Variants in TNRC6C observed in about 807,000 individuals in gnomAD.
TNRC6C encodes the protein trinucleotide repeat-containing gene 6C protein.
TNRC6C carries 20 observed loss-of-function variants against 153.7 expected under a neutral mutation model. The observed-to-expected ratio is 0.13, with a 90% CI of 0.09 to 0.19. The LOEUF (loss-of-function observed/expected upper bound fraction) is 0.19, where lower values mean the gene tolerates loss of function less well. Ranked by LOEUF, TNRC6C falls within the 10% of genes least tolerant of loss-of-function variation. The probability of loss-of-function intolerance (pLI) is 1.00; values close to 1 mark genes in which losing one functional copy is unlikely to be tolerated. For synonymous variants in TNRC6C, 811 were observed against 841.4 expected (o/e 0.96, Z 0.63); for missense variants, 1,987 against 2,172.0 (o/e 0.91, Z 1.69).
At chr17:77,977,513 GT>G (rs2071017848) in intron 1 of TNRC6C, among the ~76,000 whole-genome samples, 1 of 152,160 alleles carries the variant, frequency 6.6e-6, no homozygotes, top group Admixed American at 6.5e-5. Flanking sequence ...CAACTTTTTA[GT>G]TCAGAAGGGA....
chr17:78,061,120 T>C (rs905931969), intron 3 of TNRC6C, among the ~76,000 whole-genome samples: 19 of 152,200 alleles, frequency 1.2e-4, no homozygotes, highest in African/African-American at 4.6e-4. Flanking sequence ...TTGAAGAAAT[T>C]GAAGGGAGGT....
At chr17:78,034,450 G>A (rs1170959244) in intron 2 of TNRC6C, among the ~76,000 whole-genome samples, 1 of 151,946 alleles carries the variant, frequency 6.6e-6, no homozygotes, top group Non-Finnish European at 1.5e-5. Flanking sequence ...ATGCACACAT[G>A]CTTAATTGCT....
chr17:78,069,483 G>A (rs754742067), intron 5 of TNRC6C, among the ~76,000 whole-genome samples: 3 of 152,126 alleles, frequency 2.0e-5, no homozygotes, highest in Non-Finnish European at 2.9e-5. Flanking sequence ...TCCTGGGCTC[G>A]AATTGTCCTC....
intron 1 of TNRC6C, among the ~76,000 whole-genome samples, chr17:77,966,942 TAGC>T (rs1293876461): frequency 6.6e-6 from 1 of 152,204 alleles, no homozygotes; most frequent in African/African-American, 2.4e-5. Flanking sequence ...ATAAATAGAA[TAGC>T]AGCATTAGTA....
At chr17:78,068,100 G>A (rs1002098620) in intron 5 of TNRC6C, among the ~76,000 whole-genome samples, 177 bp downstream of exon 7, 1 of 152,176 alleles carries the variant, frequency 6.6e-6, no homozygotes, top group African/African-American at 2.4e-5. Context: ...CTATTATCAT[G>A]CCAGTACTAA....
intron 1 of TNRC6C, among the ~76,000 whole-genome samples, chr17:77,983,937 C>T (rs1409185460): frequency 1.3e-5 from 2 of 152,098 alleles, no homozygotes; most frequent in African/African-American, 4.8e-5. Flanking sequence ...AAGGTGAGAA[C>T]ATGTTCATTT....
intron 2 of TNRC6C, among the ~76,000 whole-genome samples, chr17:78,043,985 C>T (rs1176330695): frequency 6.6e-6 from 1 of 152,096 alleles, no homozygotes; most frequent in Non-Finnish European, 1.5e-5. Context: ...AGGTTGCTTC[C>T]AAATCTTGGT....
chr17:77,962,665 TTA>T (rs1396894666), intron 1 of TNRC6C, among the ~76,000 whole-genome samples: 1 of 152,112 alleles, frequency 6.6e-6, no homozygotes, highest in African/African-American at 2.4e-5. Context: ...CCAGGTAACT[TTA>T]TGTTTGTTTT....
chr17:78,090,012 A>G (rs2073365645), intron 13 of TNRC6C, among the ~76,000 whole-genome samples: 1 of 152,162 alleles, frequency 6.6e-6, no homozygotes, highest in Non-Finnish European at 1.5e-5. Flanking sequence ...CATTGTTGCC[A>G]CCTTACCTGG....
chr17:77,965,706 T>C (rs955602866), intron 1 of TNRC6C, among the ~76,000 whole-genome samples: 11 of 152,104 alleles, frequency 7.2e-5, no homozygotes, highest in African/African-American at 2.7e-4. Flanking sequence ...GAGAAAGCAA[T>C]ACATGTGAAG....
exon 20 of TNRC6C, chr17:78,107,903 AT>A (rs1179834128): frequency 1.3e-5 from 2 of 152,210 alleles, no homozygotes; most frequent in African/African-American, 2.4e-5. Flanking sequence ...CATTTTATGC[AT>A]CTATTTTTGT....
intron 2 of TNRC6C, among the ~76,000 whole-genome samples, chr17:78,040,678 TC>T (rs1405961317): frequency 2.0e-5 from 3 of 152,220 alleles, no homozygotes; most frequent in Non-Finnish European, 4.4e-5. Flanking sequence ...TGGCTGACTT[TC>T]AAAAACACAG....
At chr17:78,050,194 G>T (rs766842690) in exon 3 of TNRC6C, 5 of 1,543,496 alleles carry the variant, frequency 3.2e-6, no homozygotes, top group Non-Finnish European at 4.4e-6. Flanking sequence ...CGTACAGCCT[G>T]GTGGTGAACA....
rs755800135 is a variant in TNRC6C at position 78,049,932 on chromosome 17, G to A, written c.870G>A (p.Lys290=). Reference sequence around the variant, plus strand: ...ATGGATCCAGCAGTGCTGTGCAAAAGGAAGGAAGTGGAGGAAATGCTTGGG... The same window carrying A: ...ATGGATCCAGCAGTGCTGTGCAAAAAGAAGGAAGTGGAGGAAATGCTTGGG... The change falls in exon 3 of 20, where the codon AAG becomes AAA. Residue 290 remains lysine, a synonymous_variant. Coordinates refer to ENST00000301624, the Ensembl canonical transcript of TNRC6C. The surrounding 1 kb of genome is among the most constrained non-coding windows in gnomAD (Gnocchi z 4.1). The A allele has an allele frequency of 5.0e-6, 8 of 1,614,076 alleles. No individual in the cohort carries two copies. Among genetic ancestry groups the A allele is most frequent in the Non-Finnish European group, 6.8e-6 (8 of 1,179,906 alleles).
chr17:77,991,210 T>A (rs1474868029), intron 1 of TNRC6C, among the ~76,000 whole-genome samples: 1 of 152,248 alleles, frequency 6.6e-6, no homozygotes, highest in Admixed American at 6.5e-5. Context: ...ATCATTTTCA[T>A]CATATTCCTG....
chr17:78,083,476 C>T (rs1208815739), intron 11 of TNRC6C, among the ~76,000 whole-genome samples: 1 of 152,214 alleles, frequency 6.6e-6, no homozygotes, highest in Non-Finnish European at 1.5e-5. Context: ...AGCTGAGACA[C>T]CACGGGTGTG....
intron 1 of TNRC6C, among the ~76,000 whole-genome samples, chr17:78,017,797 C>T (rs989511553): frequency 6.6e-6 from 1 of 152,202 alleles, no homozygotes; most frequent in African/African-American, 2.4e-5. Context: ...AGCTCTTTTC[C>T]ATTTCAGGGC....
chr17:78,068,388 G>A (rs566359638), intron 5 of TNRC6C, among the ~76,000 whole-genome samples: 10 of 152,252 alleles, frequency 6.6e-5, no homozygotes, highest in Admixed American at 3.9e-4. Flanking sequence ...ACAGTAAATA[G>A]CAATAGACAC....
intron 1 of TNRC6C, among the ~76,000 whole-genome samples, chr17:77,977,153 T>A (rs1163690986): frequency 6.6e-6 from 1 of 152,096 alleles, no homozygotes; most frequent in African/African-American, 2.4e-5. Flanking sequence ...CCTACTAGAT[T>A]ATAAACTCCT....
Sources: allele counts gnomAD v4.1 joint callset (sites outside exome capture counted in the v4.1 genomes callset), GRCh38; gene constraint gnomAD v4.1.1; non-coding constraint Gnocchi (gnomAD v3.1); transcripts MANE v1.5; gene names NCBI Gene and HGNC (gene_info 2026-07-23, HGNC 2026-07-21).